KDM1A: variants seen among roughly 807,000 people sequenced by gnomAD.
KDM1A encodes lysine-specific histone demethylase 1A.
KDM1A carries 49 observed loss-of-function variants against 109.4 expected under a neutral mutation model. The ratio of observed to expected loss-of-function variants is 0.45; its 90% CI spans 0.36 to 0.57. KDM1A has a LOEUF of 0.57. KDM1A is among the 20% of genes least tolerant of loss of function. KDM1A has a pLI of 0.00. For missense variants in KDM1A, 668 were observed against 1,116.6 expected, an observed-to-expected ratio of 0.60 and a Z score of 5.73; for synonymous variants, 380 against 415.4, an observed-to-expected ratio of 0.91 and a Z score of 1.04.
chr1:23,051,109 A>G (rs749528503), intron 4 of KDM1A, among the ~76,000 whole-genome samples: 1 of 152,176 alleles, frequency 6.6e-6, no homozygotes, highest in Non-Finnish European at 1.5e-5. Context: ...AAAACCTTTA[A>G]GCATTAAAAA....
Position 23,056,044 on chromosome 1 carries a change from A to C in KDM1A, c.990+6A>C. ...TCACACTTTTGGAAGCCAGGGTAAGAATTTCATTTTGAGTTTAGAGGCTTG... is the reference window on the plus strand; with the variant it reads ...TCACACTTTTGGAAGCCAGGGTAAGCATTTCATTTTGAGTTTAGAGGCTTG... On this transcript the variant is annotated splice_donor_region_variant and intron_variant, in intron 7 of 20. Coordinates refer to ENST00000400181, the MANE Select transcript of KDM1A (RefSeq NM_001009999.3). 1 of 1,596,342 alleles carries C rather than the reference A, an allele frequency of 6.3e-7. No individual in the cohort carries two copies. The highest frequency in any genetic ancestry group is 1.1e-5 in the South Asian group (1 of 90,540).
intron 2 of KDM1A, among the ~76,000 whole-genome samples, chr1:23,035,240 G>A (rs1394622045): frequency 6.6e-6 from 1 of 151,954 alleles, no homozygotes; most frequent in Non-Finnish European, 1.5e-5. Context: ...TTTGCTCTTG[G>A]TGCCTAGTCT....
At chr1:23,038,598 G>A (rs1642219480) in intron 2 of KDM1A, among the ~76,000 whole-genome samples, 1 of 152,084 alleles carries the variant, frequency 6.6e-6, no homozygotes, top group African/African-American at 2.4e-5. Flanking sequence ...GAATGTGGAG[G>A]GAAATAATAT....
chr1:23,050,968 C>G (rs758408000), intron 4 of KDM1A, among the ~76,000 whole-genome samples: 2 of 152,046 alleles, frequency 1.3e-5, no homozygotes, highest in Non-Finnish European at 2.9e-5. Flanking sequence ...ACATGTAGTC[C>G]CAGCTACTTG....
At chr1:23,062,744 G>C (rs993042412) in intron 9 of KDM1A, among the ~76,000 whole-genome samples, 1 of 152,076 alleles carries the variant, frequency 6.6e-6, no homozygotes, top group African/African-American at 2.4e-5. Context: ...TTATTTTATG[G>C]CTTTGGATGA....
chr1:23,023,554 A>G (rs1309216328), intron 1 of KDM1A, among the ~76,000 whole-genome samples: 1 of 152,180 alleles, frequency 6.6e-6, no homozygotes, highest in Admixed American at 6.5e-5. Flanking sequence ...GATCTATTAT[A>G]TATTTCCGTC....
intron 2 of KDM1A, 99 bp downstream of exon 2, chr1:23,030,733 G>T: frequency 2.3e-6 from 3 of 1,288,286 alleles, no homozygotes; most frequent in Admixed American, 2.5e-5. Context: ...TTTATCTTTG[G>T]TTTATAATAA....
In KDM1A at chr1:23,028,821, A is replaced by C. The variant is rs1406739809; in HGVS notation, c.352-1648A>C. Among the ~76,000 whole-genome samples the C allele has an allele frequency of 3.3e-5, 5 of 152,260 alleles. No homozygotes were observed. In the East Asian group the frequency reaches 9.6e-4, roughly 29 times the overall value. On this transcript the variant is annotated intron_variant, in intron 1 of 20. Coordinates refer to ENST00000400181, the MANE Select transcript of KDM1A (RefSeq NM_001009999.3). ...ATCTACATTTCTGGAGTCTTATTGC[A>C]AAGACCCTGTATGAGATGGTCACCT...
At chr1:23,053,693 GATTTTAAAGATA>G (rs1191491920) in intron 4 of KDM1A, 56 bp from the exon 5 acceptor site, 1 of 1,101,116 alleles carries the variant, frequency 9.1e-7, no homozygotes, top group South Asian at 1.3e-5. Context: ...GCTAAAAGAT[GATTTTAAAGATA>G]GTCAAATAAC....
chr1:23,072,697 G>T (rs1054952670), intron 14 of KDM1A, among the ~76,000 whole-genome samples: 1 of 152,192 alleles, frequency 6.6e-6, no homozygotes. Context: ...CCAGGCTGGA[G>T]TGCAATGATG....
In KDM1A at chr1:23,077,093, G is replaced by A. The variant is rs377517081; in HGVS notation, c.1735-135G>A. 1.5e-5 allele frequency: 11 copies of A among 749,150 alleles called. No homozygotes were observed. In the East Asian group the frequency reaches 2.2e-4, roughly 15 times the overall value. The allele number at this position is 749,150 out of a possible 1,614,324, so 46.4% of individuals were successfully genotyped here. A position where few individuals can be genotyped will look rare whatever the true frequency, so the allele number is the denominator to read the frequency against. ...TGGTAACTGTAGCTAAATACTGAGT[G>A]ATTTGTTCTTTAGTTTGCCTTAAAA... On this transcript the variant is annotated intron_variant, in intron 15 of 20. Transcript: ENST00000400181.
intron 9 of KDM1A, among the ~76,000 whole-genome samples, chr1:23,059,687 C>T (rs1642944542): frequency 6.6e-6 from 1 of 152,126 alleles, no homozygotes. Context: ...ATGACAATAG[C>T]ATGAAAGTGA....
intron 1 of KDM1A, among the ~76,000 whole-genome samples, chr1:23,023,878 C>T (rs961034779): frequency 1.3e-5 from 2 of 152,138 alleles, no homozygotes; most frequent in African/African-American, 4.8e-5. Context: ...GAGGCAGGTT[C>T]TCACTCTGTC....
chr1:23,043,628 T>C (rs183211801), intron 2 of KDM1A, among the ~76,000 whole-genome samples: 1 of 152,334 alleles, frequency 6.6e-6, no homozygotes, highest in African/African-American at 2.4e-5. Context: ...GTCTTGATGA[T>C]AGATTTTGGA....
At chr1:23,061,316 C>T (rs1395893043) in intron 9 of KDM1A, among the ~76,000 whole-genome samples, 1 of 152,094 alleles carries the variant, frequency 6.6e-6, no homozygotes, top group African/African-American at 2.4e-5. Context: ...TTATCCACAT[C>T]TTACCAGGAC....
chr1:23,073,219 G>A lies in KDM1A; in HGVS notation c.1623-73G>A, dbSNP rs898403298. On this transcript the variant is annotated intron_variant, in intron 14 of 20. Coordinates refer to ENST00000400181, the MANE Select transcript of KDM1A (RefSeq NM_001009999.3). ...TGGCTTAGGTTCTGACACAGTTACT[G>A]AGATCACCTACATCACACTGAGAGA... 392 of 794,950 alleles carry A rather than the reference G, an allele frequency of 4.9e-4. 1 individual carries two copies. The highest frequency in any genetic ancestry group is 1.2e-4 in the Non-Finnish European group (55 of 465,076). 49.2% of individuals were successfully genotyped at this position (794,950 alleles called of 1,614,324 possible).
At chr1:23,020,634 G>GT (rs776480515) in intron 1 of KDM1A, 2 of 152,152 alleles carry the variant, frequency 1.3e-5, no homozygotes, top group Non-Finnish European at 2.9e-5. Flanking sequence ...TATACAGACA[G>GT]TGACTGCCTC....
At chr1:23,061,774 A>G (rs1423262831) in intron 9 of KDM1A, among the ~76,000 whole-genome samples, 1 of 151,710 alleles carries the variant, frequency 6.6e-6, no homozygotes, top group Non-Finnish European at 1.5e-5. Flanking sequence ...CTCGTGCCTC[A>G]GCCTCCTGAG....
At chr1:23,067,842 CA>C (rs1479497758) in intron 10 of KDM1A, among the ~76,000 whole-genome samples, 1 of 152,176 alleles carries the variant, frequency 6.6e-6, no homozygotes, top group Non-Finnish European at 1.5e-5. Flanking sequence ...CATGGTCTTC[CA>C]GCTTGATGAC....
Sources: gnomAD v4.1 joint callset for allele counts (sites outside exome capture counted in the v4.1 genomes callset) on GRCh38, gnomAD v4.1.1 for gene constraint, MANE v1.5 for transcripts, NCBI Gene and HGNC (gene_info 2026-07-23, HGNC 2026-07-21) for gene names.